The following NFIB variants were observed in gnomAD, a reference collection of about 807,000 sequenced individuals.
NFIB encodes the protein nuclear factor I B, also known as nuclear factor 1 B-type.
In NFIB, 11 loss-of-function variants were observed where a neutral mutation model predicts 61.5. The observed-to-expected ratio is 0.18, with a 90% CI of 0.11 to 0.30. The LOEUF (loss-of-function observed/expected upper bound fraction) is 0.30. Ranked by LOEUF, NFIB falls within the 10% of genes least tolerant of loss-of-function variation. NFIB has a pLI of 1.00. For missense variants in NFIB, 471 were observed against 608.9 expected (o/e 0.77, Z 2.38); for synonymous variants, 260 against 216.5 (o/e 1.20, Z -1.76).
chr9:14,105,497 T>C (rs754777653), intron 10 of NFIB, among the ~76,000 whole-genome samples: 22 of 152,168 alleles, frequency 1.4e-4, no homozygotes, highest in Non-Finnish European at 2.2e-4. Context: ...GCCAGGTTAC[T>C]TGAGCAAGAG....
chr9:14,094,946 C>A (rs2034547413), intron 10 of NFIB, among the ~76,000 whole-genome samples: 1 of 151,990 alleles, frequency 6.6e-6, no homozygotes, highest in African/African-American at 2.4e-5. Context: ...TGCGTGAGTG[C>A]TAGCACTTTC....
intron 2 of NFIB, among the ~76,000 whole-genome samples, chr9:14,283,261 C>A (rs1254474896): frequency 6.6e-6 from 1 of 152,164 alleles, no homozygotes; most frequent in African/African-American, 2.4e-5. Context: ...CTCGCATCAG[C>A]CATTCTTAAA....
chr9:14,454,179 AG>A, the NFIB span, among the ~76,000 whole-genome samples: 1 of 152,258 alleles, frequency 6.6e-6, no homozygotes, highest in Admixed American at 6.5e-5. Flanking sequence ...TCCAAATACA[AG>A]TTGTCATTTA....
intron 1 of NFIB, among the ~76,000 whole-genome samples, chr9:14,355,331 A>G (rs918880963): frequency 2.0e-5 from 3 of 152,226 alleles, no homozygotes; most frequent in African/African-American, 7.2e-5. Context: ...CCATCTACAA[A>G]GAAAGAGGCC....
intron 1 of NFIB, among the ~76,000 whole-genome samples, chr9:14,355,343 C>T (rs749813890): frequency 6.6e-6 from 1 of 152,104 alleles, no homozygotes. Context: ...AAAGAGGCCT[C>T]GGAAGAAACC....
intron 4 of NFIB, among the ~76,000 whole-genome samples, chr9:14,153,422 G>A (rs1399495042): frequency 1.3e-5 from 2 of 152,026 alleles, no homozygotes; most frequent in Admixed American, 6.6e-5. Context: ...CAGTGTTAGC[G>A]CCTCTCCCAG....
the NFIB span, among the ~76,000 whole-genome samples, chr9:14,472,819 C>G: frequency 6.6e-6 from 1 of 150,778 alleles, no homozygotes; most frequent in Admixed American, 6.6e-5. Flanking sequence ...GCAGCCTGGG[C>G]GACAGAGCGA....
chr9:14,521,561 T>C, the NFIB span, among the ~76,000 whole-genome samples: 2 of 152,102 alleles, frequency 1.3e-5, no homozygotes, highest in African/African-American at 4.8e-5. Context: ...TAAGATAATA[T>C]ATGCAAAGTA....
At chr9:14,187,702 G>GT (rs1171037058) in intron 2 of NFIB, among the ~76,000 whole-genome samples, 1 of 152,068 alleles carries the variant, frequency 6.6e-6, no homozygotes, top group Non-Finnish European at 1.5e-5. Flanking sequence ...ATAAGGATTT[G>GT]TTAGCGCTCA....
chr9:14,493,884 C>T, the NFIB span, among the ~76,000 whole-genome samples: 6 of 152,160 alleles, frequency 3.9e-5, no homozygotes, highest in African/African-American at 1.2e-4. Flanking sequence ...TTATTTATTT[C>T]TCATTAATGG....
chr9:14,425,521 C>T, the NFIB span, among the ~76,000 whole-genome samples: 3 of 151,052 alleles, frequency 2.0e-5, no homozygotes, highest in Admixed American at 2.0e-4. Flanking sequence ...ATGATTGAGA[C>T]ATATATAAGG....
intron 2 of NFIB, among the ~76,000 whole-genome samples, chr9:14,209,928 C>G (rs188158336): frequency 2.0e-5 from 3 of 151,888 alleles, no homozygotes; most frequent in South Asian, 4.1e-4. Flanking sequence ...TAGGCATTCA[C>G]TTGGTGAGGG....
At chr9:14,480,038 G>T in the NFIB span, among the ~76,000 whole-genome samples, 7 of 150,566 alleles carry the variant, frequency 4.6e-5, no homozygotes, top group Non-Finnish European at 7.4e-5. Flanking sequence ...GTTTTTTTTT[G>T]TTTTGTTTTG....
Position 14,381,163 on chromosome 9 carries a change from T to C in NFIB, c.108+17361A>G, listed in dbSNP as rs557790622. Among the ~76,000 whole-genome samples, 51 of 151,876 alleles carry C rather than the reference T, an allele frequency of 3.4e-4. No individual in the cohort carries two copies. The South Asian group carries it at 0.01, about 31-fold the overall frequency. The stretch of plus-strand genomic sequence containing the variant: ...GTGTGAATCTGTACACCATCATGGA[T>C]GCAAAAAGCATTTTCTTGTGTTTCT... On this transcript the variant is annotated intron_variant, in intron 1 of 8. Transcript: ENST00000380934.
At chr9:14,094,407 G>A (rs147649535) in intron 10 of NFIB, 1 of 152,208 alleles carries the variant, frequency 6.6e-6, no homozygotes, top group African/African-American at 2.4e-5. Context: ...CATATGTGCA[G>A]ATGTGGCTGT....
chr9:14,102,196 A>G (rs1324392119), intron 10 of NFIB, among the ~76,000 whole-genome samples: 1 of 152,198 alleles, frequency 6.6e-6, no homozygotes. Context: ...AACATTTTAT[A>G]GCATTTAAAA....
At chr9:14,309,140 C>T (rs543832082) in intron 1 of NFIB, among the ~76,000 whole-genome samples, 5 of 152,204 alleles carry the variant, frequency 3.3e-5, no homozygotes, top group South Asian at 2.1e-4. Flanking sequence ...CCCTGAACTA[C>T]GTGGAATAAA....
intron 1 of NFIB, among the ~76,000 whole-genome samples, chr9:14,332,761 C>T (rs10961479): frequency 0.14 from 21,132 of 152,062 alleles, 2,739 homozygotes; most frequent in African/African-American, 0.36. Context: ...AAATACAGTA[C>T]GAACAAAACC....
chr9:14,503,321 C>T, the NFIB span, among the ~76,000 whole-genome samples: 2 of 152,018 alleles, frequency 1.3e-5, no homozygotes, highest in East Asian at 1.9e-4. Context: ...GTGGGATTGC[C>T]GGATCAAATG....
Sources: gnomAD v4.1 joint callset for allele counts (sites outside exome capture counted in the v4.1 genomes callset) on GRCh38, gnomAD v4.1.1 for gene constraint, MANE v1.5 for transcripts, NCBI Gene and HGNC (gene_info 2026-07-23, HGNC 2026-07-21) for gene names.